The following SUPT3H variants were observed in gnomAD, a reference collection of about 807,000 sequenced individuals.
The protein encoded by SUPT3H is SPT3 homolog, SAGA and STAGA complex component.
In SUPT3H, 44 loss-of-function variants were observed where a neutral mutation model predicts 44.3. The observed-to-expected ratio is 0.99, with a 90% CI of 0.78 to 1.28. The LOEUF is 1.28. Among genes scored for constraint, SUPT3H ranks in the 50% most tolerant of loss-of-function variants. The pLI is 0.00. For missense variants in SUPT3H, 380 were observed against 387.1 expected (o/e 0.98, Z 0.15); for synonymous variants, 124 against 125.6 (o/e 0.99, Z 0.09).
intron 2 of SUPT3H, among the ~76,000 whole-genome samples, chr6:45,359,242 C>T (rs1367402161): frequency 1.3e-5 from 2 of 152,084 alleles, no homozygotes; most frequent in African/African-American, 4.8e-5. Context: ...GATCTAGAAA[C>T]TTAAACATTT....
chr6:44,981,504 A>T (rs571343419), intron 6 of SUPT3H, among the ~76,000 whole-genome samples: 1 of 152,340 alleles, frequency 6.6e-6, no homozygotes, highest in South Asian at 2.1e-4. Context: ...CTCAGTGGCA[A>T]ATGAGTTTTA....
rs552762044 is a variant in SUPT3H, at chr6:45,278,887, T to C, written c.101+86314A>G. On this transcript the variant is annotated intron_variant, in intron 2 of 10. Coordinates refer to ENST00000371459, the MANE Select transcript of SUPT3H (RefSeq NM_003599.4). ...AGACAATAAACACAAAAAGTGCTAA[T>C]TGTGACCTTCAAGCAACACAAAAAT... 1.9e-3 allele frequency among the ~76,000 whole-genome samples: 283 copies of C among 152,306 alleles called. 1 individual carries two copies. Among genetic ancestry groups the C allele is most frequent in the African/African-American group, 6.3e-3 (261 of 41,584 alleles).
intron 6 of SUPT3H, among the ~76,000 whole-genome samples, chr6:44,991,137 T>C: frequency 6.6e-6 from 1 of 152,154 alleles, no homozygotes; most frequent in East Asian, 1.9e-4. Context: ...TAAGATATAA[T>C]AAATATTTTT....
chr6:45,372,551 G>A (rs1796230916), intron 1 of SUPT3H, among the ~76,000 whole-genome samples: 1 of 152,056 alleles, frequency 6.6e-6, no homozygotes. Context: ...ATTTATATTT[G>A]TATGTTATTT....
intron 10 of SUPT3H, among the ~76,000 whole-genome samples, chr6:44,861,373 A>G (rs1331619453): frequency 2.3e-5 from 1 of 44,106 alleles, no homozygotes; most frequent in East Asian, 1.0e-3. Flanking sequence ...GCTCAGCCAC[A>G]GTTTTCTTTT....
chr6:45,025,882 C>CAAA (rs11299141), intron 3 of SUPT3H, among the ~76,000 whole-genome samples: 1 of 127,928 alleles, frequency 7.8e-6, no homozygotes, highest in Non-Finnish European at 1.7e-5. Context: ...GACTCCGTCT[C>CAAA]AAAAAAAAAA....
At chr6:45,217,619 T>C (rs1765304881) in intron 2 of SUPT3H, among the ~76,000 whole-genome samples, 1 of 152,080 alleles carries the variant, frequency 6.6e-6, no homozygotes, top group Non-Finnish European at 1.5e-5. Context: ...TGGCCGAATG[T>C]GGTGGCTCAC....
rs150950713 is a variant in SUPT3H at position 44,972,728 on chromosome 6, C to T, written c.505-10900G>A. Among the ~76,000 whole-genome samples, 672 of 152,264 alleles carry T rather than the reference C, an allele frequency of 4.4e-3. 3 individuals carry two copies. The highest frequency in any genetic ancestry group is 7.0e-3 in the Non-Finnish European group (479 of 68,032). On this transcript the variant is annotated intron_variant, in intron 6 of 10. Transcript: ENST00000371459. ...TCCTGTGAAGTCTAGGTGGAGGTTC[C>T]CAAACCTCAATTCTAGACTTCTTTG...
chr6:44,956,062 C>A (rs937918456), intron 7 of SUPT3H, among the ~76,000 whole-genome samples: 2 of 150,598 alleles, frequency 1.3e-5, no homozygotes, highest in African/African-American at 2.4e-5. Context: ...GTGGAGCTTA[C>A]AGTGAGCCGA....
At chr6:44,826,557 G>GA (rs1474838790), downstream of SUPT3H, among the ~76,000 whole-genome samples, 2 of 152,154 alleles carry the variant, frequency 1.3e-5, no homozygotes, top group African/African-American at 4.8e-5. Context: ...ATGTAGCCTG[G>GA]AAAGGTTCTA....
At chr6:45,132,773 T>G (rs577227668) in intron 2 of SUPT3H, among the ~76,000 whole-genome samples, 2 of 152,330 alleles carry the variant, frequency 1.3e-5, no homozygotes, top group South Asian at 4.1e-4. Context: ...TCAACACTTG[T>G]TGTCCAGATT....
intron 6 of SUPT3H, among the ~76,000 whole-genome samples, chr6:45,003,187 A>C (rs1782236194): frequency 6.6e-6 from 1 of 152,184 alleles, no homozygotes; most frequent in Non-Finnish European, 1.5e-5. Context: ...GATATAAAGC[A>C]TGTAACTGCC....
At chr6:45,081,233 G>A (rs766866326) in intron 3 of SUPT3H, among the ~76,000 whole-genome samples, 25 of 151,968 alleles carry the variant, frequency 1.6e-4, no homozygotes, top group South Asian at 1.2e-3. Flanking sequence ...ATTTCAGCTC[G>A]TCCCATTTGA....
intron 10 of SUPT3H, among the ~76,000 whole-genome samples, chr6:44,850,676 T>TG: frequency 6.6e-6 from 1 of 152,300 alleles, no homozygotes; most frequent in East Asian, 1.9e-4. Flanking sequence ...CTTTCTTTTT[T>TG]CAATTATTTT....
intron 10 of SUPT3H, among the ~76,000 whole-genome samples, chr6:44,882,876 G>A (rs184556449): frequency 6.6e-6 from 1 of 152,214 alleles, no homozygotes; most frequent in African/African-American, 2.4e-5. Context: ...GGTATTGATG[G>A]AACGTATCTC....
At chr6:44,823,501 C>T (rs938713333), downstream of SUPT3H, among the ~76,000 whole-genome samples, 1 of 152,174 alleles carries the variant, frequency 6.6e-6, no homozygotes, top group Non-Finnish European at 1.5e-5. Context: ...GCCACGCAGC[C>T]CTACCTAGGC....
intron 2 of SUPT3H, among the ~76,000 whole-genome samples, chr6:45,210,987 C>T (rs1346879548): frequency 1.3e-5 from 2 of 152,170 alleles, no homozygotes; most frequent in Admixed American, 1.3e-4. Flanking sequence ...CTTTCAAGCA[C>T]CAGTCCCAAA....
At chr6:44,898,087 T>C (rs1561993642) in intron 10 of SUPT3H, among the ~76,000 whole-genome samples, 1 of 152,356 alleles carries the variant, frequency 6.6e-6, no homozygotes, top group East Asian at 1.9e-4. Flanking sequence ...AGAATTTGCA[T>C]TGGGACTAAG....
intron 2 of SUPT3H, among the ~76,000 whole-genome samples, chr6:45,279,268 G>A (rs1223709473): frequency 6.6e-6 from 1 of 152,102 alleles, no homozygotes; most frequent in Non-Finnish European, 1.5e-5. Flanking sequence ...AATATTTAGG[G>A]ACAATGTAAA....
Sources: allele counts gnomAD v4.1 joint callset (sites outside exome capture counted in the v4.1 genomes callset), GRCh38; gene constraint gnomAD v4.1.1; transcripts MANE v1.5; gene names NCBI Gene and HGNC (gene_info 2026-07-23, HGNC 2026-07-21).